Variants in TCF7L1 observed in about 807,000 individuals in gnomAD.
TCF7L1 encodes the protein transcription factor 7 like 1, also known as transcription factor 7-like 1.
A neutral mutation model predicts 63.7 loss-of-function variants in TCF7L1; 18 were observed. The observed-to-expected ratio is 0.28, with a 90% CI of 0.20 to 0.42. The LOEUF (loss-of-function observed/expected upper bound fraction) is 0.42, where lower values mean the gene tolerates loss of function less well. Among genes scored for constraint, TCF7L1 ranks in the 10% least tolerant of loss-of-function variants. TCF7L1 has a pLI of 1.00. For missense variants in TCF7L1, 654 were observed against 779.3 expected (o/e 0.84, Z 1.91); for synonymous variants, 355 against 340.9 (o/e 1.04, Z -0.46).
At chr2:85,153,340 A>T (rs1678064510) in intron 3 of TCF7L1, among the ~76,000 whole-genome samples, 1 of 102,272 alleles carries the variant, frequency 9.8e-6, no homozygotes, top group Non-Finnish European at 1.8e-5. Flanking sequence ...GCCTTTATAA[A>T]TTTTTTTTTT....
intron 3 of TCF7L1, among the ~76,000 whole-genome samples, chr2:85,203,046 A>C (rs941521640): frequency 6.6e-6 from 1 of 152,174 alleles, no homozygotes; most frequent in African/African-American, 2.4e-5. Context: ...CATGTTAGCC[A>C]GGATGGTCTT....
chr2:85,135,272 G>A (rs1240834433), intron 3 of TCF7L1, among the ~76,000 whole-genome samples: 1 of 152,126 alleles, frequency 6.6e-6, no homozygotes. Flanking sequence ...CTGGGGGCTG[G>A]CGAGGCCTTT....
At chr2:85,137,159 A>T (rs1677614597) in intron 3 of TCF7L1, among the ~76,000 whole-genome samples, 1 of 152,216 alleles carries the variant, frequency 6.6e-6, no homozygotes, top group South Asian at 2.1e-4. Context: ...TGGAAATACC[A>T]AGCCAGATGC....
intron 5 of TCF7L1, 184 bp from the exon 6 acceptor site, chr2:85,303,710 CT>C: frequency 4.1e-6 from 2 of 489,642 alleles, no homozygotes; most frequent in Non-Finnish European, 7.3e-6. Flanking sequence ...CCTGCCTCCC[CT>C]GAATATGTCC....
chr2:85,179,256 A>G (rs1255193461), intron 3 of TCF7L1, among the ~76,000 whole-genome samples: 1 of 152,222 alleles, frequency 6.6e-6, no homozygotes, highest in Non-Finnish European at 1.5e-5. Flanking sequence ...AGCCAGGCAC[A>G]GAACAGTTTC....
intron 3 of TCF7L1, among the ~76,000 whole-genome samples, chr2:85,256,260 T>A (rs1573012468): frequency 6.7e-6 from 1 of 148,732 alleles, no homozygotes; most frequent in Non-Finnish European, 1.5e-5. Context: ...CGAAGGCTGC[T>A]CTTTGTGTTC....
At chr2:85,168,782 C>T (rs778586802) in intron 3 of TCF7L1, among the ~76,000 whole-genome samples, 4 of 152,120 alleles carry the variant, frequency 2.6e-5, no homozygotes, top group African/African-American at 7.2e-5. Context: ...CTACCACACC[C>T]GGCTAATTTT....
At chr2:85,140,310 G>A (rs966855773) in intron 3 of TCF7L1, among the ~76,000 whole-genome samples, 4 of 152,178 alleles carry the variant, frequency 2.6e-5, no homozygotes, top group Admixed American at 2.0e-4. Flanking sequence ...TTGGAGACAC[G>A]TTAGGTGTGA....
intron 3 of TCF7L1, among the ~76,000 whole-genome samples, chr2:85,270,261 G>T (rs144948309): frequency 8.4e-4 from 128 of 152,332 alleles, no homozygotes; most frequent in Non-Finnish European, 1.4e-3. Flanking sequence ...TCCCATAGGG[G>T]AAAGTCCGTA....
At chr2:85,292,915 C>T (rs910675981) in intron 4 of TCF7L1, among the ~76,000 whole-genome samples, 4 of 152,232 alleles carry the variant, frequency 2.6e-5, no homozygotes, top group African/African-American at 9.6e-5. Context: ...GTGTAACAAA[C>T]AATTCAGTGG....
At chr2:85,258,637 A>G (rs1680780518) in intron 3 of TCF7L1, among the ~76,000 whole-genome samples, 1 of 152,186 alleles carries the variant, frequency 6.6e-6, no homozygotes. Flanking sequence ...CATATTTGTC[A>G]AGGGAGGAGG....
rs1679692042 is a variant in TCF7L1 at position 85,215,902 on chromosome 2, C to T, written c.442-67593C>T. Among the ~76,000 whole-genome samples, 3 of 152,228 alleles carry T rather than the reference C, an allele frequency of 2.0e-5. 1 individual carries two copies. The South Asian group carries it at 6.2e-4, about 32-fold the overall frequency. On this transcript the variant is annotated intron_variant, in intron 3 of 11. Coordinates refer to ENST00000282111, the MANE Select transcript of TCF7L1 (RefSeq NM_031283.3). ...TAATGTAATTTGTTCAGGCAGTGAA[C>T]AGCCAAGTTCAGCCGAAGGAATCCG...
chr2:85,207,053 T>G (rs1377220618), intron 3 of TCF7L1, among the ~76,000 whole-genome samples: 1 of 152,198 alleles, frequency 6.6e-6, no homozygotes, highest in Non-Finnish European at 1.5e-5. Flanking sequence ...TCTCAGACAC[T>G]CAAGAAGCAT....
chr2:85,263,374 C>T (rs1029947065), intron 3 of TCF7L1, among the ~76,000 whole-genome samples: 2 of 151,914 alleles, frequency 1.3e-5, no homozygotes, highest in African/African-American at 2.4e-5. Context: ...GAGGGGCTGC[C>T]GGCAGGAGGG....
intron 3 of TCF7L1, among the ~76,000 whole-genome samples, chr2:85,275,994 T>C (rs1050215849): frequency 6.6e-6 from 1 of 151,836 alleles, no homozygotes; most frequent in Non-Finnish European, 1.5e-5. Context: ...TGTTTGGGAT[T>C]TAGTGCCATC....
At position 85,306,427 on chromosome 2, in the gene TCF7L1, T is replaced by C. The variant is rs199543695; in HGVS notation, c.1150-25T>C. Reference sequence around the variant, plus strand: ...GCGTCCCTGCATTGATGGCTCCGTGTGGTCTCTGACCCTCTCTCCCCCAGT... The same window carrying C: ...GCGTCCCTGCATTGATGGCTCCGTGCGGTCTCTGACCCTCTCTCCCCCAGT... On this transcript the variant is annotated intron_variant, in intron 9 of 11. Coordinates refer to ENST00000282111, the MANE Select transcript of TCF7L1 (RefSeq NM_031283.3). The surrounding 1 kb of genome is among the most constrained non-coding windows in gnomAD (Gnocchi z 4.3). 5 of 1,613,962 alleles carry C rather than the reference T, an allele frequency of 3.1e-6. No individual in the cohort carries two copies. Among genetic ancestry groups the C allele is most frequent in the Middle Eastern group, 1.6e-4 (1 of 6,062 alleles).
rs555105691 is a variant in TCF7L1, at chr2:85,193,361, G to C, written c.441+58911G>C. ...TTAGTCTGGGTGGGATACTGATCATGCATTTTTCTTTCTTTTTTCTTGCTC... is the reference window on the plus strand; with the variant it reads ...TTAGTCTGGGTGGGATACTGATCATCCATTTTTCTTTCTTTTTTCTTGCTC... On this transcript the variant is annotated intron_variant, in intron 3 of 11. Coordinates refer to ENST00000282111, the MANE Select transcript of TCF7L1 (RefSeq NM_031283.3). 3.3e-5 allele frequency among the ~76,000 whole-genome samples: 5 copies of C among 152,236 alleles called. No individual in the cohort carries two copies. The East Asian group carries it at 7.7e-4, about 24-fold the overall frequency.
intron 4 of TCF7L1, among the ~76,000 whole-genome samples, chr2:85,297,599 G>C (rs1040698995): frequency 3.9e-5 from 6 of 152,150 alleles, no homozygotes; most frequent in South Asian, 4.1e-4. Context: ...GCCCAGACAG[G>C]CAGATTGCTT....
chr2:85,187,791 C>T (rs184328283), intron 3 of TCF7L1, among the ~76,000 whole-genome samples: 53 of 152,264 alleles, frequency 3.5e-4, no homozygotes, highest in African/African-American at 1.2e-3. Flanking sequence ...AGTTTTGGCT[C>T]TTCTAGGGCC....
Sources: gnomAD v4.1 joint callset for allele counts (sites outside exome capture counted in the v4.1 genomes callset) on GRCh38, gnomAD v4.1.1 for gene constraint, Gnocchi (gnomAD v3.1) non-coding constraint, MANE v1.5 for transcripts, NCBI Gene and HGNC (gene_info 2026-07-23, HGNC 2026-07-21) for gene names.